The following MRTFB variants were observed in gnomAD, a reference collection of about 807,000 sequenced individuals.
MRTFB encodes myocardin-related transcription factor B.
MRTFB carries 29 observed loss-of-function variants against 104.2 expected under a neutral mutation model. The ratio of observed to expected loss-of-function variants is 0.28; its 90% CI spans 0.21 to 0.38. The LOEUF (loss-of-function observed/expected upper bound fraction) is 0.38. MRTFB is among the 10% of genes least tolerant of loss of function. The pLI is 1.00. For missense variants in MRTFB, 1,270 were observed against 1,341.6 expected, an observed-to-expected ratio of 0.95 and a Z score of 0.83; for synonymous variants, 535 against 519.5, an observed-to-expected ratio of 1.03 and a Z score of -0.41.
chr16:14,158,828 T>C (rs9933988), intron 3 of MRTFB, among the ~76,000 whole-genome samples: 3,904 of 152,236 alleles, frequency 0.026, 180 homozygotes, highest in African/African-American at 0.089. Flanking sequence ...ATAGGTGCTA[T>C]ATAAAGTTTA....
chr16:14,044,244 G>A, the MRTFB span, among the ~76,000 whole-genome samples: 1 of 152,138 alleles, frequency 6.6e-6, no homozygotes, highest in Non-Finnish European at 1.5e-5. Flanking sequence ...ATTAAAATGA[G>A]GCCTGTCTCT....
At chr16:14,195,337 C>T (rs1411397194) in intron 3 of MRTFB, among the ~76,000 whole-genome samples, 1 of 152,192 alleles carries the variant, frequency 6.6e-6, no homozygotes, top group Non-Finnish European at 1.5e-5. Flanking sequence ...TCTGGATCAT[C>T]TCACACAGTT....
chr16:14,152,356 A>G (rs1402760651), intron 3 of MRTFB: 1 of 151,268 alleles, frequency 6.6e-6, no homozygotes, highest in African/African-American at 2.4e-5. Flanking sequence ...CATATATCAT[A>G]TGTTTTACAA....
chr16:14,263,061 A>C lies in MRTFB; in HGVS notation c.*1617A>C, dbSNP rs1465501787. 6.6e-6 allele frequency: 1 copy of C among 152,386 alleles called. No homozygotes were observed. Among genetic ancestry groups the C allele is most frequent in the Non-Finnish European group, 1.5e-5 (1 of 68,044 alleles). 9.4% of individuals were successfully genotyped at this position (152,386 alleles called of 1,614,324 possible). A position where few individuals can be genotyped will look rare whatever the true frequency, so the allele number is the denominator to read the frequency against. ...GTTTATAAATTTTACTACGTGTAAC[A>C]AAAGTCTGCTTTTCCAGCATGAGCA... On this transcript the variant is annotated 3_prime_UTR_variant, in exon 17 of 17. Transcript: ENST00000571589.
chr16:14,182,140 G>T (rs551427849), intron 3 of MRTFB, among the ~76,000 whole-genome samples: 4 of 152,222 alleles, frequency 2.6e-5, no homozygotes, highest in Non-Finnish European at 5.9e-5. Context: ...GGTGACAGTG[G>T]TGGGGGTTTC....
chr16:14,178,750 GT>G (rs1440836537), intron 3 of MRTFB, among the ~76,000 whole-genome samples: 2 of 151,814 alleles, frequency 1.3e-5, no homozygotes, highest in African/African-American at 2.4e-5. Context: ...GGTTTTTTTT[GT>G]TTGTTTTTTT....
At chr16:14,011,729 G>A in the MRTFB span, among the ~76,000 whole-genome samples, 1 of 152,058 alleles carries the variant, frequency 6.6e-6, no homozygotes, top group African/African-American at 2.4e-5. Flanking sequence ...AAAATTAGCT[G>A]GGCGTGGTGG....
the MRTFB span, among the ~76,000 whole-genome samples, chr16:14,036,296 T>TATATATATATATATATA: frequency 1.3e-4 from 13 of 98,312 alleles, no homozygotes; most frequent in South Asian, 2.0e-3. Flanking sequence ...TTATATATAT[T>TATATATATATATATATA]TATATATATA....
chr16:14,175,354 G>A (rs1358775683), intron 3 of MRTFB, among the ~76,000 whole-genome samples: 1 of 152,160 alleles, frequency 6.6e-6, no homozygotes, highest in Non-Finnish European at 1.5e-5. Flanking sequence ...AACTACTCAT[G>A]TATAAATGGA....
intron 8 of MRTFB, among the ~76,000 whole-genome samples, chr16:14,226,032 G>A (rs1005507287): frequency 1.3e-5 from 2 of 152,096 alleles, no homozygotes; most frequent in African/African-American, 4.8e-5. Context: ...CATGCGACAG[G>A]CTATTTTTCA....
intron 3 of MRTFB, chr16:14,144,146 T>G (rs1037768422): frequency 8.5e-5 from 13 of 152,224 alleles, no homozygotes; most frequent in African/African-American, 3.1e-4. Context: ...CAAAAGAAGT[T>G]GGTTTTTAAG....
chr16:14,198,465 T>C (rs907819430), intron 3 of MRTFB, among the ~76,000 whole-genome samples: 1 of 152,242 alleles, frequency 6.6e-6, no homozygotes, highest in Admixed American at 6.5e-5. Context: ...TATGGTCTTT[T>C]CCTCTGATAA....
At chr16:14,182,046 C>T (rs780284057) in intron 3 of MRTFB, among the ~76,000 whole-genome samples, 3 of 149,056 alleles carry the variant, frequency 2.0e-5, no homozygotes, top group African/African-American at 5.2e-5. Context: ...AAATGTTACT[C>T]GTGACATTAG....
At chr16:14,096,836 C>T (rs2035404289) in intron 2 of MRTFB, among the ~76,000 whole-genome samples, 1 of 152,136 alleles carries the variant, frequency 6.6e-6, no homozygotes, top group African/African-American at 2.4e-5. Flanking sequence ...TTTTTACATT[C>T]TTTGGTGTTT....
At chr16:14,123,560 G>A (rs58500906) in intron 2 of MRTFB, among the ~76,000 whole-genome samples, 8,048 of 151,896 alleles carry the variant, frequency 0.053, 331 homozygotes, top group African/African-American at 0.11. Context: ...TTGCTTGTTT[G>A]TATAGGTTTG....
the MRTFB span, among the ~76,000 whole-genome samples, chr16:14,029,419 A>AATATAT: frequency 4.5e-5 from 4 of 88,904 alleles, no homozygotes; most frequent in East Asian, 9.2e-4. Flanking sequence ...AAAAAAAAAA[A>AATATAT]ATATATATAT....
intron 3 of MRTFB, among the ~76,000 whole-genome samples, chr16:14,191,214 C>T (rs1816652927): frequency 6.6e-6 from 1 of 152,164 alleles, no homozygotes. Flanking sequence ...GCTCCTCAGT[C>T]ACATTAGCCA....
intron 3 of MRTFB, among the ~76,000 whole-genome samples, chr16:14,165,041 CA>C (rs999200873): frequency 6.6e-6 from 1 of 151,544 alleles, no homozygotes; most frequent in Non-Finnish European, 1.5e-5. Flanking sequence ...TTTTCCAGGC[CA>C]AAAAGGGTCA....
At chr16:14,236,283 G>C (rs1259026096) in intron 9 of MRTFB, among the ~76,000 whole-genome samples, 6 of 152,196 alleles carry the variant, frequency 3.9e-5, no homozygotes, top group Non-Finnish European at 7.3e-5. Flanking sequence ...ATAAGTGGGG[G>C]AAAGTGTTTT....
Sources: gnomAD v4.1 joint callset for allele counts (sites outside exome capture counted in the v4.1 genomes callset) on GRCh38, gnomAD v4.1.1 for gene constraint, MANE v1.5 for transcripts, NCBI Gene and HGNC (gene_info 2026-07-23, HGNC 2026-07-21) for gene names.